Variants in MARCHF4 observed in about 807,000 individuals in gnomAD.
The protein encoded by MARCHF4 is E3 ubiquitin-protein ligase MARCHF4.
A neutral mutation model predicts 43.9 loss-of-function variants in MARCHF4; 14 were observed. That is an observed-to-expected ratio of 0.32 (90% CI 0.21 to 0.50). The LOEUF is 0.50. Ranked by LOEUF, MARCHF4 falls within the 20% of genes least tolerant of loss-of-function variation. The probability of loss-of-function intolerance (pLI) is 0.98; values close to 1 mark genes in which losing one functional copy is unlikely to be tolerated. For synonymous variants in MARCHF4, 226 were observed against 213.3 expected (o/e 1.06, Z -0.52); for missense variants, 468 against 536.7 (o/e 0.87, Z 1.27).
rs1450236639 is a variant in MARCHF4 at position 216,257,893 on chromosome 2, C to G, written c.*1419G>C. The G allele has an allele frequency of 1.3e-5, 2 of 151,838 alleles. No homozygotes were observed. The highest frequency in any genetic ancestry group is 2.9e-5 in the Non-Finnish European group (2 of 67,944). The allele number at this position is 151,838 out of a possible 1,614,324, so 9.4% of individuals were successfully genotyped here. A position where few individuals can be genotyped will look rare whatever the true frequency, so the allele number is the denominator to read the frequency against. On this transcript the variant is annotated 3_prime_UTR_variant, in exon 4 of 4. Transcript: ENST00000273067. ...TAGGGAAAGAAGTTTTATTTTCAAG[C>G]TTTTAAGAGAATATTACAAACAACA...
Position 216,370,134 on chromosome 2 carries a change from G to T in MARCHF4, c.127C>A (p.Arg43Ser). 6.2e-7 allele frequency: 1 copy of T among 1,607,320 alleles called. No individual in the cohort carries two copies. Among genetic ancestry groups the T allele is most frequent in the Non-Finnish European group, 8.5e-7 (1 of 1,177,216 alleles). The stretch of plus-strand genomic sequence containing the variant: ...ACCTTCAGGTCATTGAAGAGCATGC[G>T]GCAGCGGCACTTGAGGAGACCCTGG... ...RHQGLLKCRC[R>S]MLFNDLKVFL... is the part of the protein sequence containing the mutation. Residue 43 changes from arginine (R) to serine (S), a missense_variant, in exon 1 of 4, where the codon CGC (arginine) becomes AGC (serine). Around this residue, in one of 3 missense-constraint regions of MARCHF4, gnomAD observed 190 missense variants for 158.5 expected, o/e 1.20. Coordinates refer to ENST00000273067, the MANE Select transcript of MARCHF4 (RefSeq NM_020814.3).
rs189380909 is a variant in MARCHF4 at position 216,353,707 on chromosome 2, C to A, written c.516+16038G>T. ...GGATTACAGGTGCCTGCCACCATGC[C>A]CAGCTAATTATTGTATTTTTAGTAG... is the stretch of plus-strand genomic sequence containing the variant. On this transcript the variant is annotated intron_variant, in intron 1 of 3. Transcript: ENST00000273067. Among the ~76,000 whole-genome samples, 282 of 152,270 alleles carry A rather than the reference C, an allele frequency of 1.9e-3. 1 individual carries two copies. The highest frequency in any genetic ancestry group is 6.4e-3 in the African/African-American group (267 of 41,522).
At chr2:216,318,543 G>A (rs1691821658) in intron 1 of MARCHF4, among the ~76,000 whole-genome samples, 1 of 152,190 alleles carries the variant, frequency 6.6e-6, no homozygotes, top group African/African-American at 2.4e-5. Flanking sequence ...CTTAGGTGAT[G>A]AAATTTGAGC....
At chr2:216,290,288 TAC>T (rs1472651783) in intron 1 of MARCHF4, among the ~76,000 whole-genome samples, 1 of 152,110 alleles carries the variant, frequency 6.6e-6, no homozygotes, top group Non-Finnish European at 1.5e-5. Flanking sequence ...GAGCAAGCCA[TAC>T]AGTTATTTGG....
chr2:216,344,503 G>C (rs1454248184), intron 1 of MARCHF4, among the ~76,000 whole-genome samples: 1 of 152,154 alleles, frequency 6.6e-6, no homozygotes, highest in African/African-American at 2.4e-5. Context: ...CGGACTTTAT[G>C]AAAGACAGAA....
rs1224853941 is a variant in MARCHF4, at chr2:216,325,833, G to A, written c.517-42104C>T. On this transcript the variant is annotated intron_variant, in intron 1 of 3. Transcript: ENST00000273067. Reference sequence around the variant, plus strand: ...TTCAAGATGGATTAAAGACTTAAACGTTAGACCTAAAACCATAAAAACCCT... The same window carrying A: ...TTCAAGATGGATTAAAGACTTAAACATTAGACCTAAAACCATAAAAACCCT... Among the ~76,000 whole-genome samples the A allele has an allele frequency of 2.0e-4, 29 of 147,628 alleles. No homozygotes were observed. The South Asian group carries it at 3.3e-3, about 17-fold the overall frequency.
rs1450625824 is a variant in MARCHF4 at position 216,258,976 on chromosome 2, C to A, written c.*336G>T. ...TCCGGCACTGCCACAGTCACACAGG[C>A]TTTGCCTGCCCTCAGCCTCTGCTTC... On this transcript the variant is annotated 3_prime_UTR_variant, in exon 4 of 4. Transcript: ENST00000273067. 3.5e-5 allele frequency: 7 copies of A among 200,982 alleles called. No individual in the cohort carries two copies. The highest frequency in any genetic ancestry group is 7.2e-5 in the Non-Finnish European group (7 of 97,864). The allele number at this position is 200,982 out of a possible 1,614,324, so 12.4% of individuals were successfully genotyped here. A position where few individuals can be genotyped will look rare whatever the true frequency, so the allele number is the denominator to read the frequency against.
intron 1 of MARCHF4, among the ~76,000 whole-genome samples, chr2:216,296,155 A>G (rs1691389903): frequency 6.6e-6 from 1 of 152,062 alleles, no homozygotes; most frequent in African/African-American, 2.4e-5. Context: ...CAATAAATAA[A>G]CAAACAAACA....
chr2:216,282,687 C>A (rs1381027772), intron 2 of MARCHF4, among the ~76,000 whole-genome samples: 1 of 152,164 alleles, frequency 6.6e-6, no homozygotes, highest in Non-Finnish European at 1.5e-5. Context: ...CACAGGCCTG[C>A]CAGCTCCCCT....
rs187903545 is a variant in MARCHF4, at chr2:216,366,499, A to C, written c.516+3246T>G. On this transcript the variant is annotated intron_variant, in intron 1 of 3. Coordinates refer to ENST00000273067, the MANE Select transcript of MARCHF4 (RefSeq NM_020814.3). ...GTTCTCAAAGCAAGTGTTCACATCT[A>C]TCTCTCTCTCTCTCTCTTCCTTTCT... Among the ~76,000 whole-genome samples the C allele has an allele frequency of 6.0e-4, 90 of 150,826 alleles. 1 individual carries two copies. The highest frequency in any genetic ancestry group is 4.7e-3 in the East Asian group (24 of 5,136).
intron 1 of MARCHF4, among the ~76,000 whole-genome samples, chr2:216,292,118 G>T (rs577724958): frequency 2.0e-4 from 30 of 152,346 alleles, no homozygotes; most frequent in African/African-American, 7.0e-4. Flanking sequence ...ACCAGTTCCT[G>T]GTTGGTAGTA....
At chr2:216,368,813 G>C (rs1692707118) in intron 1 of MARCHF4, among the ~76,000 whole-genome samples, 1 of 152,146 alleles carries the variant, frequency 6.6e-6, no homozygotes, top group Admixed American at 6.5e-5. Flanking sequence ...GGAGAGTGTT[G>C]CCACATTCTA....
chr2:216,282,862 T>C (rs1252265233), intron 2 of MARCHF4, among the ~76,000 whole-genome samples: 1 of 152,134 alleles, frequency 6.6e-6, no homozygotes, highest in African/African-American at 2.4e-5. Context: ...TTCTTATTGC[T>C]CTTATTCCCA....
intron 1 of MARCHF4, among the ~76,000 whole-genome samples, chr2:216,287,315 C>T (rs1199363764): frequency 6.6e-6 from 1 of 152,084 alleles, no homozygotes; most frequent in African/African-American, 2.4e-5. Flanking sequence ...AGGAAAAGCC[C>T]CTCTGGTCCA....
At chr2:216,279,701 T>C (rs1032412127) in intron 2 of MARCHF4, among the ~76,000 whole-genome samples, 3 of 152,216 alleles carry the variant, frequency 2.0e-5, no homozygotes, top group Non-Finnish European at 4.4e-5. Flanking sequence ...GGTCCAGACA[T>C]AGGACATCAG....
At chr2:216,310,339 G>A (rs907167663) in intron 1 of MARCHF4, among the ~76,000 whole-genome samples, 5 of 152,058 alleles carry the variant, frequency 3.3e-5, no homozygotes, top group African/African-American at 7.2e-5. Context: ...ATAGCTCACC[G>A]CAGCCTCAAC....
chr2:216,363,614 G>A (rs1692621893), intron 1 of MARCHF4, among the ~76,000 whole-genome samples: 1 of 152,182 alleles, frequency 6.6e-6, no homozygotes, highest in Non-Finnish European at 1.5e-5. Context: ...GGAACTGAAA[G>A]CTCAAAACTC....
At chr2:216,302,281 T>C (rs543024606) in intron 1 of MARCHF4, among the ~76,000 whole-genome samples, 187 of 152,004 alleles carry the variant, frequency 1.2e-3, no homozygotes, top group Non-Finnish European at 1.9e-3. Context: ...TGCAGTGGTG[T>C]GATCTCGGCT....
chr2:216,330,366 A>G (rs1241758120), intron 1 of MARCHF4, among the ~76,000 whole-genome samples: 1 of 152,236 alleles, frequency 6.6e-6, no homozygotes. Flanking sequence ...AGTATATAAA[A>G]CAAAGATGAA....
Sources: allele counts gnomAD v4.1 joint callset (sites outside exome capture counted in the v4.1 genomes callset), GRCh38; gene constraint gnomAD v4.1.1; regional missense constraint gnomAD v4.1.1; transcripts MANE v1.5; gene names NCBI Gene and HGNC (gene_info 2026-07-23, HGNC 2026-07-21).